The following ZMYND11 variants were observed in gnomAD, a reference collection of about 807,000 sequenced individuals.
The protein encoded by ZMYND11 is zinc finger MYND domain-containing protein 11.
Under a neutral mutation model 84.9 loss-of-function variants are expected in ZMYND11, and 9 were observed. The ratio of observed to expected loss-of-function variants is 0.11; its 90% CI spans 0.06 to 0.18. The LOEUF is 0.18. Among genes scored for constraint, ZMYND11 ranks in the 10% least tolerant of loss-of-function variants. ZMYND11 has a pLI of 1.00. For synonymous variants in ZMYND11, 250 were observed against 244.1 expected (o/e 1.02, Z -0.23); for missense variants, 409 against 761.0 (o/e 0.54, Z 5.44).
At chr10:168,393 C>G (rs1460574943) in intron 1 of ZMYND11, among the ~76,000 whole-genome samples, 1 of 151,912 alleles carries the variant, frequency 6.6e-6, no homozygotes, top group Non-Finnish European at 1.5e-5. Context: ...GGAGGATTAC[C>G]TGAGCCCAGG....
chr10:214,193 G>T (rs1945770896), intron 3 of ZMYND11, among the ~76,000 whole-genome samples: 1 of 152,122 alleles, frequency 6.6e-6, no homozygotes, highest in Non-Finnish European at 1.5e-5. Context: ...AAGCATCTTT[G>T]TGGTAATGTT....
chr10:225,104 T>C (rs1327802695), intron 4 of ZMYND11, among the ~76,000 whole-genome samples: 1 of 152,254 alleles, frequency 6.6e-6, no homozygotes, highest in African/African-American at 2.4e-5. Context: ...TATAGTCCAT[T>C]GCATTTTTTA....
intron 8 of ZMYND11, among the ~76,000 whole-genome samples, chr10:240,544 T>TAC (rs1950710567): frequency 6.6e-6 from 1 of 152,184 alleles, no homozygotes; most frequent in Non-Finnish European, 1.5e-5. Context: ...ATGTTTGACA[T>TAC]ACATGAGGCA....
upstream of ZMYND11, among the ~76,000 whole-genome samples, chr10:133,941 C>A (rs1278234947): frequency 1.3e-5 from 2 of 152,254 alleles, no homozygotes; most frequent in East Asian, 1.9e-4. Flanking sequence ...TCAAGTACCA[C>A]CCATTTCTAA....
chr10:199,279 ATCCCTCCCTCCCTCAC>A (rs1275951359), intron 2 of ZMYND11, among the ~76,000 whole-genome samples: 1 of 30,564 alleles, frequency 3.3e-5, no homozygotes, highest in Non-Finnish European at 6.0e-5. Flanking sequence ...TCCCCTTCCC[ATCCCTCCCTCCCTCAC>A]TCCCTCCCTC....
chr10:243,261 A>G (rs1380986315), intron 10 of ZMYND11, among the ~76,000 whole-genome samples: 1 of 152,204 alleles, frequency 6.6e-6, no homozygotes, highest in Non-Finnish European at 1.5e-5. Context: ...TACCTAGCAC[A>G]TAGTGAGTAC....
chr10:186,035 A>G (rs1446053384), intron 2 of ZMYND11, among the ~76,000 whole-genome samples: 5 of 146,784 alleles, frequency 3.4e-5, no homozygotes, highest in Non-Finnish European at 5.9e-5. Context: ...TTTGAGACGG[A>G]GTCTGGCTCT....
At chr10:227,026 G>A (rs1195757284) in intron 4 of ZMYND11, among the ~76,000 whole-genome samples, 1 of 152,126 alleles carries the variant, frequency 6.6e-6, no homozygotes, top group Admixed American at 6.5e-5. Flanking sequence ...TTATGTTAAT[G>A]TACAAATTGT....
chr10:214,901 T>C (rs552052264), intron 3 of ZMYND11, among the ~76,000 whole-genome samples: 2 of 152,314 alleles, frequency 1.3e-5, no homozygotes, highest in African/African-American at 2.4e-5. Context: ...GTGATAAATA[T>C]AAGTTAATAT....
chr10:213,681 C>G (rs186682548), intron 3 of ZMYND11, among the ~76,000 whole-genome samples: 6 of 152,124 alleles, frequency 3.9e-5, no homozygotes, highest in African/African-American at 1.4e-4. Context: ...ATAAGTCCCA[C>G]AAGTTATATC....
intron 2 of ZMYND11, among the ~76,000 whole-genome samples, chr10:199,617 A>G (rs1469854074): frequency 1.3e-5 from 2 of 151,714 alleles, no homozygotes; most frequent in Non-Finnish European, 2.9e-5. Context: ...TTTTTTTTGT[A>G]GAGACGAGGT....
rs752133209 is a variant in ZMYND11, at chr10:248,504, A to C, written c.1396A>C (p.Met466Leu). 1.5e-5 allele frequency: 25 copies of C among 1,614,152 alleles called. No individual in the cohort carries two copies. The highest frequency in any genetic ancestry group is 2.1e-5 in the Non-Finnish European group (25 of 1,180,034). Residue 466 changes from methionine (M) to leucine (L), a missense_variant, in exon 13 of 15, where the codon ATG (methionine) becomes CTG (leucine). Physicochemically the swap from Met to Leu is conservative, Grantham distance 15. Coordinates refer to ENST00000381604, the MANE Select transcript of ZMYND11 (RefSeq NM_001370100.5). ...CACAAACGACGGCGTGTGTCAGAGCATGTGCCATGACAAATACACCAAGAT... is the reference window on the plus strand; with the variant it reads ...CACAAACGACGGCGTGTGTCAGAGCCTGTGCCATGACAAATACACCAAGAT... ...QTTNDGVCQS[M>L]CHDKYTKIFN...
chr10:149,318 A>C (rs371456178), intron 1 of ZMYND11, among the ~76,000 whole-genome samples: 1 of 119,408 alleles, frequency 8.4e-6, no homozygotes. Context: ...TATTATTATT[A>C]TTATTATTTT....
chr10:221,876 CTAAT>C (rs1020284941), intron 4 of ZMYND11, among the ~76,000 whole-genome samples: 1 of 151,708 alleles, frequency 6.6e-6, no homozygotes, highest in African/African-American at 2.4e-5. Flanking sequence ...ATAAAGAATT[CTAAT>C]TATTTTTTTA....
At chr10:233,234 A>ATACAC (rs1949315499) in intron 4 of ZMYND11, among the ~76,000 whole-genome samples, 1 of 152,178 alleles carries the variant, frequency 6.6e-6, no homozygotes, top group African/African-American at 2.4e-5. Context: ...AAATTCACAC[A>ATACAC]TACACTGACA....
intron 10 of ZMYND11, 141 bp from the exon 11 acceptor site, chr10:246,625 C>G: frequency 1.4e-6 from 1 of 724,658 alleles, no homozygotes; most frequent in South Asian, 1.8e-5. Flanking sequence ...GCAGAACCCA[C>G]AATTGCTTTT....
intron 1 of ZMYND11, among the ~76,000 whole-genome samples, chr10:145,690 ATCTT>A (rs1838660021): frequency 6.6e-6 from 1 of 152,060 alleles, no homozygotes; most frequent in African/African-American, 2.4e-5. Flanking sequence ...TTATTTGTAT[ATCTT>A]TCTTTGAGAA....
intron 3 of ZMYND11, among the ~76,000 whole-genome samples, chr10:217,090 G>A (rs1192810900): frequency 6.7e-6 from 1 of 148,934 alleles, no homozygotes; most frequent in Non-Finnish European, 1.5e-5. Context: ...AATTGCTTTT[G>A]GATTATTGAT....
In ZMYND11 at chr10:234,345, A is replaced by G. The variant is rs566034230; in HGVS notation, c.439-2493A>G. On this transcript the variant is annotated intron_variant, in intron 4 of 14. Transcript: ENST00000381604. Reference sequence around the variant, plus strand: ...TCAGGCCTCCTCTCCCACTGTCACTACTCAAGGGACCACAGAGCCTAGAGC... The same window carrying G: ...TCAGGCCTCCTCTCCCACTGTCACTGCTCAAGGGACCACAGAGCCTAGAGC... 9.8e-5 allele frequency among the ~76,000 whole-genome samples: 15 copies of G among 152,300 alleles called. No individual in the cohort carries two copies. The South Asian group carries it at 3.1e-3, about 32-fold the overall frequency.
Sources: gnomAD v4.1 joint callset for allele counts (sites outside exome capture counted in the v4.1 genomes callset) on GRCh38, gnomAD v4.1.1 for gene constraint, MANE v1.5 for transcripts, NCBI Gene and HGNC (gene_info 2026-07-23, HGNC 2026-07-21) for gene names.